The following PXDNL variants were observed in gnomAD, a reference collection of about 807,000 sequenced individuals.
PXDNL encodes the protein probable oxidoreductase PXDNL.
PXDNL carries 145 observed loss-of-function variants against 150.8 expected under a neutral mutation model. The ratio of observed to expected loss-of-function variants is 0.96; its 90% CI spans 0.84 to 1.10. The LOEUF (loss-of-function observed/expected upper bound fraction) is 1.10, where lower values mean the gene tolerates loss of function less well. PXDNL is among the 50% of genes least tolerant of loss of function. The pLI is 0.00. For missense variants in PXDNL, 2,087 were observed against 1,873.9 expected, an observed-to-expected ratio of 1.11 and a Z score of -2.10; for synonymous variants, 757 against 725.7, an observed-to-expected ratio of 1.04 and a Z score of -0.69.
intron 21 of PXDNL, among the ~76,000 whole-genome samples, chr8:51,333,654 A>G (rs1805756256): frequency 1.3e-5 from 2 of 152,188 alleles, no homozygotes; most frequent in Non-Finnish European, 1.5e-5. Context: ...GGGTGGAAAA[A>G]AGCATTTATG....
chr8:51,714,548 T>C (rs950304214), intron 1 of PXDNL, among the ~76,000 whole-genome samples: 12 of 152,332 alleles, frequency 7.9e-5, no homozygotes, highest in Admixed American at 6.5e-4. Flanking sequence ...AGTTTAAATA[T>C]GGAGATTGTT....
chr8:51,777,258 T>G (rs1395331364), intron 1 of PXDNL, among the ~76,000 whole-genome samples: 1 of 152,328 alleles, frequency 6.6e-6, no homozygotes, highest in East Asian at 1.9e-4. Context: ...CCTCTAAGCC[T>G]GCTTCCACAT....
At chr8:51,364,166 G>A (rs1806840630) in intron 19 of PXDNL, among the ~76,000 whole-genome samples, 2 of 152,206 alleles carry the variant, frequency 1.3e-5, no homozygotes, top group South Asian at 2.1e-4. Context: ...ATGTCAAGGT[G>A]TATTTTCACA....
intron 2 of PXDNL, among the ~76,000 whole-genome samples, chr8:51,620,173 A>G (rs1814218725): frequency 6.6e-6 from 1 of 152,242 alleles, no homozygotes. Flanking sequence ...AAGGTGTTGT[A>G]AAGACAAATT....
At chr8:51,745,212 T>G (rs896934353) in intron 1 of PXDNL, among the ~76,000 whole-genome samples, 1 of 152,196 alleles carries the variant, frequency 6.6e-6, no homozygotes, top group East Asian at 1.9e-4. Flanking sequence ...AAACCGGCTC[T>G]AGATAATTGC....
chr8:51,785,105 T>C lies in PXDNL; in HGVS notation c.164+24076A>G, dbSNP rs537684649. On this transcript the variant is annotated intron_variant, in intron 1 of 22. Coordinates refer to ENST00000356297, the MANE Select transcript of PXDNL (RefSeq NM_144651.5). ...TCAAGATCTTTAGTGGAATTAAACA[T>C]TTTAGATGGAACAAGCTGTTTCTAG... 9.2e-5 allele frequency among the ~76,000 whole-genome samples: 14 copies of C among 152,308 alleles called. No individual in the cohort carries two copies. In the East Asian group the frequency reaches 2.5e-3, roughly 27 times the overall value.
rs542435034 is a variant in PXDNL at position 51,786,585 on chromosome 8, T to G, written c.164+22596A>C. ...CAATGTGGTGCTGAGAGCATTTCTG[T>G]GCCCTGGGAAGAAGAGGGCCAGCAA... On this transcript the variant is annotated intron_variant, in intron 1 of 22. Transcript: ENST00000356297. Among the ~76,000 whole-genome samples, 182 of 151,786 alleles carry G rather than the reference T, an allele frequency of 1.2e-3. 1 individual carries two copies. The highest frequency in any genetic ancestry group is 4.2e-3 in the African/African-American group (174 of 41,340).
At chr8:51,453,918 T>C (rs1047287799) in intron 9 of PXDNL, 133 bp from the exon 10 acceptor site, 4 of 762,378 alleles carry the variant, frequency 5.2e-6, no homozygotes, top group Non-Finnish European at 6.1e-6. Context: ...CATATATATA[T>C]ATACACATTT....
intron 2 of PXDNL, among the ~76,000 whole-genome samples, chr8:51,594,825 A>G (rs1813527235): frequency 6.6e-6 from 1 of 152,134 alleles, no homozygotes; most frequent in Non-Finnish European, 1.5e-5. Flanking sequence ...ACGGTCATTT[A>G]TGTTATGTTG....
At chr8:51,447,249 C>T in intron 11 of PXDNL, 87 bp from the exon 12 acceptor site, 1 of 1,418,676 alleles carries the variant, frequency 7.0e-7, no homozygotes, top group Non-Finnish European at 9.6e-7. Flanking sequence ...AGGGTGAGGC[C>T]TGTCTTTCAG....
intron 1 of PXDNL, among the ~76,000 whole-genome samples, chr8:51,803,861 T>G (rs183300916): frequency 7.9e-4 from 120 of 152,346 alleles, no homozygotes; most frequent in Non-Finnish European, 1.1e-3. Flanking sequence ...CTTTCAGAAC[T>G]GCATGTTTTG....
chr8:51,359,192 T>C (rs1806631720), intron 19 of PXDNL, among the ~76,000 whole-genome samples: 1 of 152,148 alleles, frequency 6.6e-6, no homozygotes, highest in Non-Finnish European at 1.5e-5. Flanking sequence ...CCCGAATAGT[T>C]ATCAGAGAGA....
rs186250037 is a variant in PXDNL, at chr8:51,628,886, A to T, written c.236+25803T>A. 4.8e-3 allele frequency among the ~76,000 whole-genome samples: 729 copies of T among 150,470 alleles called. 6 individuals are homozygous for T. Among genetic ancestry groups the T allele is most frequent in the African/African-American group, 0.018 (704 of 39,788 alleles). On this transcript the variant is annotated intron_variant, in intron 2 of 22. Coordinates refer to ENST00000356297, the MANE Select transcript of PXDNL (RefSeq NM_144651.5). ...AAACAGCTACAGACCATAGCAAACA[A>T]AAACAAATCTTGAAGAGGGGAAAAA... is the stretch of plus-strand genomic sequence containing the variant.
rs150570629 is a variant in PXDNL, at chr8:51,527,909, C to T, written c.381-28139G>A. 3.2e-3 allele frequency among the ~76,000 whole-genome samples: 480 copies of T among 149,298 alleles called. 6 individuals are homozygous for T. Among genetic ancestry groups the T allele is most frequent in the African/African-American group, 0.01 (424 of 40,520 alleles). ...GGAGTGTGGATCCGGGGCCCAGCTC[C>T]TGGGTTCCAGTCCTGGCTCCAACAC... On this transcript the variant is annotated intron_variant, in intron 4 of 22. Coordinates refer to ENST00000356297, the MANE Select transcript of PXDNL (RefSeq NM_144651.5).
chr8:51,340,401 T>C (rs936833962), intron 20 of PXDNL, among the ~76,000 whole-genome samples: 11 of 152,346 alleles, frequency 7.2e-5, no homozygotes, highest in African/African-American at 2.6e-4. Flanking sequence ...TTTACAATTA[T>C]CATGTATTGT....
intron 19 of PXDNL, among the ~76,000 whole-genome samples, chr8:51,357,003 C>A (rs10099947): frequency 0.03 from 4,595 of 152,204 alleles, 224 homozygotes; most frequent in African/African-American, 0.11. Context: ...CCAAACCACC[C>A]TACTGTTTAT....
chr8:51,408,333 T>A lies in PXDNL; in HGVS notation c.3291A>T (p.Ile1097=), dbSNP rs760281371. The A allele has an allele frequency of 6.2e-7, 1 of 1,614,058 alleles. No homozygotes were observed. The highest frequency in any genetic ancestry group is 8.5e-7 in the Non-Finnish European group (1 of 1,179,898). ...SPSRIIKEGG[I]DPVLRGLFGV... ...CAAACAGCCCCCGGAGAACCGGGTC[T>A]ATCCCACCTTCCTTGATTATTCTGG... The change falls in exon 17 of 23, where the codon ATA becomes ATT. Residue 1097 remains isoleucine, a synonymous_variant. Transcript: ENST00000356297.
intron 21 of PXDNL, among the ~76,000 whole-genome samples, chr8:51,323,982 A>G (rs760952361): frequency 6.6e-5 from 10 of 152,064 alleles, no homozygotes; most frequent in Admixed American, 5.2e-4. Context: ...GGTCATTAGT[A>G]TAAGAAATAC....
chr8:51,382,122 C>A (rs1367769427), intron 17 of PXDNL, among the ~76,000 whole-genome samples: 1 of 152,018 alleles, frequency 6.6e-6, no homozygotes, highest in East Asian at 1.9e-4. Flanking sequence ...CGTGTGTGAG[C>A]CACCGCTCCG....
Sources: gnomAD v4.1 joint callset for allele counts (sites outside exome capture counted in the v4.1 genomes callset) on GRCh38, gnomAD v4.1.1 for gene constraint, MANE v1.5 for transcripts, NCBI Gene and HGNC (gene_info 2026-07-23, HGNC 2026-07-21) for gene names.